The following EXOC4 variants were observed in gnomAD, a reference collection of about 807,000 sequenced individuals.
EXOC4 encodes SEC8-like 1.
In EXOC4, 71 loss-of-function variants were observed where a neutral mutation model predicts 107.2. The ratio of observed to expected loss-of-function variants is 0.66; its 90% confidence interval spans 0.55 to 0.81. The LOEUF is 0.81. EXOC4 is among the 30% of genes least tolerant of loss of function. The pLI is 0.00. For missense variants in EXOC4, 1,108 were observed against 1,189.6 expected (o/e 0.93, Z 1.01); for synonymous variants, 456 against 441.2 (o/e 1.03, Z -0.42).
At chr7:134,063,451 A>G (rs1192045181) in intron 17 of EXOC4, among the ~76,000 whole-genome samples, 1 of 152,156 alleles carries the variant, frequency 6.6e-6, no homozygotes, top group African/African-American at 2.4e-5. Flanking sequence ...CTGGGGTCAG[A>G]TCCTGGCATG....
intron 10 of EXOC4, among the ~76,000 whole-genome samples, chr7:133,803,444 A>G (rs547847057): frequency 5.3e-5 from 8 of 152,264 alleles, no homozygotes; most frequent in Admixed American, 2.0e-4. Context: ...GGGCAGAGTC[A>G]CCTGATTGCA....
At chr7:133,807,339 C>T (rs980557717) in intron 10 of EXOC4, among the ~76,000 whole-genome samples, 2 of 152,100 alleles carry the variant, frequency 1.3e-5, no homozygotes, top group African/African-American at 4.8e-5. Flanking sequence ...ATATAAAGCT[C>T]TTTGATCAGG....
chr7:133,614,844 A>G (rs1009299960), intron 9 of EXOC4, among the ~76,000 whole-genome samples: 2 of 149,976 alleles, frequency 1.3e-5, no homozygotes, highest in African/African-American at 4.9e-5. Context: ...GTTTCAAGAT[A>G]GAGATCTTGG....
chr7:133,706,455 G>T (rs1352679297), intron 10 of EXOC4, among the ~76,000 whole-genome samples: 1 of 152,090 alleles, frequency 6.6e-6, no homozygotes, highest in Non-Finnish European at 1.5e-5. Flanking sequence ...CATGGCTTTT[G>T]GTTGACTAAG....
chr7:133,826,619 C>T (rs934089007), intron 11 of EXOC4, among the ~76,000 whole-genome samples: 2 of 152,002 alleles, frequency 1.3e-5, no homozygotes, highest in East Asian at 3.9e-4. Flanking sequence ...TATTAGTGGT[C>T]CACATACCCA....
intron 9 of EXOC4, among the ~76,000 whole-genome samples, chr7:133,559,221 A>C (rs940725828): frequency 5.9e-5 from 9 of 151,964 alleles, no homozygotes; most frequent in Non-Finnish European, 1.3e-4. Context: ...TGTTGCTTAT[A>C]TTTTAAACTT....
At chr7:134,064,216 GAC>G in intron 17 of EXOC4, 73 bp from the exon 18 acceptor site, 1 of 937,834 alleles carries the variant, frequency 1.1e-6, no homozygotes, top group East Asian at 2.7e-5. Context: ...TCAATGTATA[GAC>G]AGCGTATTTG....
the EXOC4 span, among the ~76,000 whole-genome samples, chr7:134,092,720 T>G: frequency 6.6e-6 from 1 of 151,704 alleles, no homozygotes; most frequent in South Asian, 2.1e-4. Context: ...GTTATATACG[T>G]TGAAACCACC....
chr7:133,777,390 G>A (rs1487963323), intron 10 of EXOC4, among the ~76,000 whole-genome samples: 2 of 152,052 alleles, frequency 1.3e-5, no homozygotes, highest in African/African-American at 4.8e-5. Context: ...AGGAAACGTT[G>A]TTACTGAATT....
chr7:133,702,014 T>G (rs1386664484), intron 10 of EXOC4, among the ~76,000 whole-genome samples: 2 of 144,136 alleles, frequency 1.4e-5, no homozygotes, highest in East Asian at 4.0e-4. Context: ...TTTTTTTTTT[T>G]TTTTGAGACA....
At chr7:133,265,520 A>G (rs1319947840) in intron 1 of EXOC4, among the ~76,000 whole-genome samples, 1 of 152,044 alleles carries the variant, frequency 6.6e-6, no homozygotes, top group African/African-American at 2.4e-5. Context: ...TAGTTTATCC[A>G]CTTAGGGGCC....
chr7:133,670,722 C>A (rs1485187491), intron 10 of EXOC4, among the ~76,000 whole-genome samples: 2 of 152,104 alleles, frequency 1.3e-5, no homozygotes, highest in Non-Finnish European at 2.9e-5. Context: ...GCTGAGGTGA[C>A]AGATTTGGAG....
chr7:133,755,856 T>C (rs1248369167), intron 10 of EXOC4, among the ~76,000 whole-genome samples: 1 of 152,206 alleles, frequency 6.6e-6, no homozygotes, highest in African/African-American at 2.4e-5. Context: ...GTGTAATCTT[T>C]GATCTAAATA....
chr7:134,015,067 A>G (rs1194999042), intron 17 of EXOC4, among the ~76,000 whole-genome samples: 1 of 152,150 alleles, frequency 6.6e-6, no homozygotes, highest in African/African-American at 2.4e-5. Context: ...CGGGGACTGG[A>G]GAAGATGTTC....
At chr7:133,255,383 G>A (rs557200502) in intron 1 of EXOC4, among the ~76,000 whole-genome samples, 28 of 152,142 alleles carry the variant, frequency 1.8e-4, no homozygotes, top group Non-Finnish European at 3.2e-4. Flanking sequence ...CACCATATTG[G>A]CCAGGATGGT....
At chr7:133,676,978 T>C (rs1437307499) in intron 10 of EXOC4, among the ~76,000 whole-genome samples, 1 of 149,544 alleles carries the variant, frequency 6.7e-6, no homozygotes, top group African/African-American at 2.5e-5. Flanking sequence ...TGTGTGTGTG[T>C]TGAGAACAAA....
rs138304598 is a variant in EXOC4, at chr7:133,745,907, G to C, written c.1515-71418G>C. 1.6e-3 allele frequency among the ~76,000 whole-genome samples: 236 copies of C among 152,086 alleles called. 1 individual carries two copies. Among genetic ancestry groups the C allele is most frequent in the Non-Finnish European group, 2.4e-3 (162 of 67,966 alleles). ...CTGGCACAAGACTTCTCTTCAATAA[G>C]TACGTGTTAAGTGAATATGTTTACC... On this transcript the variant is annotated intron_variant, in intron 10 of 17. Transcript: ENST00000253861.
intron 9 of EXOC4, among the ~76,000 whole-genome samples, chr7:133,498,813 G>A (rs561628823): frequency 2.6e-5 from 4 of 152,234 alleles, no homozygotes; most frequent in South Asian, 4.1e-4. Flanking sequence ...CCACCACTAC[G>A]TGCAGCAGCT....
chr7:133,712,737 T>A (rs1219197618), intron 10 of EXOC4, among the ~76,000 whole-genome samples: 1 of 152,092 alleles, frequency 6.6e-6, no homozygotes, highest in Non-Finnish European at 1.5e-5. Context: ...ATAAACAAAT[T>A]AATGGTATAT....
Sources: allele counts gnomAD v4.1 joint callset (sites outside exome capture counted in the v4.1 genomes callset), GRCh38; gene constraint gnomAD v4.1.1; transcripts MANE v1.5; gene names NCBI Gene and HGNC (gene_info 2026-07-23, HGNC 2026-07-21).